The following TEAD1 variants were observed in gnomAD, a reference collection of about 807,000 sequenced individuals.
TEAD1 encodes transcriptional enhancer factor TEF-1.
A neutral mutation model predicts 54.9 loss-of-function variants in TEAD1; 9 were observed. The ratio of observed to expected loss-of-function variants is 0.16; its 90% CI spans 0.10 to 0.29. The LOEUF (loss-of-function observed/expected upper bound fraction) is 0.29. Among genes scored for constraint, TEAD1 ranks in the 10% least tolerant of loss-of-function variants. TEAD1 has a pLI of 1.00. For synonymous variants in TEAD1, 200 were observed against 187.8 expected (o/e 1.07, Z -0.53); for missense variants, 387 against 535.9 (o/e 0.72, Z 2.74).
intron 2 of TEAD1, 142 bp from the exon 3 acceptor site, chr11:12,764,037 A>G: frequency 1.6e-6 from 1 of 620,944 alleles, no homozygotes; most frequent in Non-Finnish European, 2.7e-6. Context: ...GTGTAACCCA[A>G]AACCATGTGT....
chr11:12,807,548 AAGGT>A (rs2133983498), intron 3 of TEAD1, among the ~76,000 whole-genome samples: 1 of 152,118 alleles, frequency 6.6e-6, no homozygotes, highest in Admixed American at 6.6e-5. Flanking sequence ...CCTTTGTTAA[AAGGT>A]AGGTATGAGG....
At chr11:12,924,871 G>A in intron 10 of TEAD1, 41 bp from the exon 11 acceptor site, 1 of 1,613,556 alleles carries the variant, frequency 6.2e-7, no homozygotes, top group Non-Finnish European at 8.5e-7. Context: ...ATGACTCCTG[G>A]GATGAGAGAA....
At chr11:12,867,366 C>G (rs773031369) in intron 5 of TEAD1, among the ~76,000 whole-genome samples, 1 of 152,116 alleles carries the variant, frequency 6.6e-6, no homozygotes, top group African/African-American at 2.4e-5. Flanking sequence ...AGCCCTTGGT[C>G]AAAACGTGGA....
intron 12 of TEAD1, among the ~76,000 whole-genome samples, chr11:12,931,610 C>T (rs760402692): frequency 1.3e-5 from 2 of 152,002 alleles, no homozygotes; most frequent in Non-Finnish European, 2.9e-5. Flanking sequence ...AAGGCTGTTT[C>T]CCAGTTTCCC....
At chr11:12,777,110 T>C (rs1443702499) in intron 3 of TEAD1, among the ~76,000 whole-genome samples, 1 of 152,104 alleles carries the variant, frequency 6.6e-6, no homozygotes, top group Non-Finnish European at 1.5e-5. Flanking sequence ...TTTTTAAAGT[T>C]TGTTCTTGTG....
rs78233313 is a variant in TEAD1 at position 12,926,843 on chromosome 11, A to G, written c.1014+1791A>G. Reference sequence around the variant, plus strand: ...CAGGAGGTGAGAAGGTGGCTGTATCATGAAACATGGCTGGGACGCCTGGAA... The same window carrying G: ...CAGGAGGTGAGAAGGTGGCTGTATCGTGAAACATGGCTGGGACGCCTGGAA... On this transcript the variant is annotated intron_variant, in intron 11 of 12. Coordinates refer to ENST00000527636, the MANE Select transcript of TEAD1 (RefSeq NM_021961.6). Among the ~76,000 whole-genome samples the G allele has an allele frequency of 2.9e-3, 438 of 152,310 alleles. 3 individuals carry two copies. The highest frequency in any genetic ancestry group is 9.9e-3 in the African/African-American group (412 of 41,566).
chr11:12,813,279 T>C (rs1946344428), intron 3 of TEAD1, among the ~76,000 whole-genome samples: 1 of 152,176 alleles, frequency 6.6e-6, no homozygotes, highest in African/African-American at 2.4e-5. Flanking sequence ...TTGGGTTTCT[T>C]TTCTCTGTGA....
intron 11 of TEAD1, among the ~76,000 whole-genome samples, chr11:12,929,163 CGTGT>C (rs60060462): frequency 1.4e-4 from 15 of 106,814 alleles, no homozygotes; most frequent in African/African-American, 3.0e-4. Flanking sequence ...TTTGCTTTGC[CGTGT>C]GTGTGTGTGT....
intron 2 of TEAD1, among the ~76,000 whole-genome samples, chr11:12,706,251 A>G (rs1943812337): frequency 6.6e-6 from 1 of 152,226 alleles, no homozygotes; most frequent in Non-Finnish European, 1.5e-5. Context: ...CCCCTCTTCC[A>G]TTCCCTTCAA....
rs80238821 is a variant in TEAD1, at chr11:12,706,717, A to G, written c.-55+31156A>G. ...CCTGGCTCCTTCTAGGACTTTCAAG[A>G]TCCTCTGGTGTGGCCGGGCCAGATG... On this transcript the variant is annotated intron_variant, in intron 2 of 12. Transcript: ENST00000527636. Among the ~76,000 whole-genome samples the G allele has an allele frequency of 6.3e-3, 954 of 152,218 alleles. 45 individuals are homozygous for G. The East Asian group carries it at 0.11, about 17-fold the overall frequency.
intron 2 of TEAD1, among the ~76,000 whole-genome samples, chr11:12,677,671 A>T: frequency 6.6e-6 from 1 of 152,254 alleles, no homozygotes; most frequent in East Asian, 1.9e-4. Context: ...TGTTTAGATC[A>T]TATTTGTCCT....
At chr11:12,884,272 A>C (rs1948040964) in intron 9 of TEAD1, among the ~76,000 whole-genome samples, 1 of 152,018 alleles carries the variant, frequency 6.6e-6, no homozygotes, top group Non-Finnish European at 1.5e-5. Flanking sequence ...TGAGCGTTGC[A>C]TCTGTGTGTG....
At chr11:12,751,098 G>A (rs1224039704) in intron 2 of TEAD1, among the ~76,000 whole-genome samples, 1 of 151,958 alleles carries the variant, frequency 6.6e-6, no homozygotes, top group Admixed American at 6.6e-5. Context: ...ATCGCTTGAG[G>A]CCAGCAGTTT....
At chr11:12,890,505 T>A (rs1307697965) in intron 9 of TEAD1, among the ~76,000 whole-genome samples, 2 of 152,166 alleles carry the variant, frequency 1.3e-5, no homozygotes, top group Non-Finnish European at 2.9e-5. Flanking sequence ...TGTTTGAGAT[T>A]TGGGGCAGAT....
chr11:12,854,758 ATTTTTTTT>A (rs11364747), intron 3 of TEAD1, among the ~76,000 whole-genome samples: 1 of 124,096 alleles, frequency 8.1e-6, no homozygotes, highest in Non-Finnish European at 1.7e-5. Context: ...AGCCTGGCTG[ATTTTTTTT>A]TTTTTTTTTT....
At chr11:12,931,516 G>A (rs986773328) in intron 12 of TEAD1, among the ~76,000 whole-genome samples, 4 of 152,110 alleles carry the variant, frequency 2.6e-5, no homozygotes, top group African/African-American at 9.7e-5. Context: ...TTTACTTGGT[G>A]TTTTTGGTTC....
Position 12,745,587 on chromosome 11 carries a change from G to GTTT in TEAD1, c.-54-18577_-54-18575dup, listed in dbSNP as rs77963483. The stretch of plus-strand genomic sequence containing the variant: ...GCCTCTAAAATTGTCATTTTAAGGG[G>GTTT]TTTTTTTTTTTTTTTTTGGACTGTT... On this transcript the variant is annotated intron_variant, in intron 2 of 12. Coordinates refer to ENST00000527636, the MANE Select transcript of TEAD1 (RefSeq NM_021961.6). Among the ~76,000 whole-genome samples, 8 of 130,528 alleles carry GTTT rather than the reference G, an allele frequency of 6.1e-5. 1 individual carries two copies. Among genetic ancestry groups the GTTT allele is most frequent in the East Asian group, 2.2e-4 (1 of 4,516 alleles). The allele number at this position is 130,528 out of a possible 152,430, so 85.6% of individuals were successfully genotyped here. A position where few individuals can be genotyped will look rare whatever the true frequency, so the allele number is the denominator to read the frequency against.
intron 10 of TEAD1, among the ~76,000 whole-genome samples, chr11:12,917,012 T>C (rs1265339242): frequency 6.6e-6 from 1 of 152,190 alleles, no homozygotes; most frequent in Non-Finnish European, 1.5e-5. Flanking sequence ...GGCAGCATCA[T>C]GGATCCCCAG....
chr11:12,753,535 A>G (rs1193977279), intron 2 of TEAD1, among the ~76,000 whole-genome samples: 3 of 152,074 alleles, frequency 2.0e-5, no homozygotes, highest in East Asian at 3.9e-4. Flanking sequence ...ACCTTTTCAT[A>G]TGTTTATGGG....
Sources: gnomAD v4.1 joint callset for allele counts (sites outside exome capture counted in the v4.1 genomes callset) on GRCh38, gnomAD v4.1.1 for gene constraint, MANE v1.5 for transcripts, NCBI Gene and HGNC (gene_info 2026-07-23, HGNC 2026-07-21) for gene names.